Variants in DNAH3 observed in about 807,000 individuals in gnomAD.
DNAH3 encodes axonemal beta dynein heavy chain 3.
DNAH3 carries 332 observed loss-of-function variants against 432.5 expected under a neutral mutation model. The observed-to-expected ratio is 0.77, with a 90% CI of 0.70 to 0.84. DNAH3 has a LOEUF of 0.84. DNAH3 is among the 40% of genes least tolerant of loss of function. DNAH3 has a pLI of 0.00. For missense variants in DNAH3, 4,861 were observed against 5,114.0 expected, an observed-to-expected ratio of 0.95 and a Z score of 1.51; for synonymous variants, 1,956 against 1,900.2, an observed-to-expected ratio of 1.03 and a Z score of -0.76.
intron 51 of DNAH3, among the ~76,000 whole-genome samples, chr16:20,973,965 A>ACATGTTGTACATGTACTCCAACATG (rs1392805425): frequency 2.0e-5 from 3 of 152,214 alleles, no homozygotes; most frequent in Non-Finnish European, 4.4e-5. Context: ...CAACATGGCC[A>ACATGTTGTACATGTACTCCAACATG]GAGTACAGGG....
intron 35 of DNAH3, among the ~76,000 whole-genome samples, chr16:21,034,815 A>T (rs894153143): frequency 3.3e-5 from 5 of 152,192 alleles, no homozygotes; most frequent in Admixed American, 6.5e-5. Context: ...TTCAGCAAAT[A>T]TTTTTTGAGC....
chr16:20,946,986 G>A (rs530260298), intron 57 of DNAH3, among the ~76,000 whole-genome samples: 1 of 151,520 alleles, frequency 6.6e-6, no homozygotes, highest in South Asian at 2.1e-4. Flanking sequence ...CATCACACCC[G>A]GCTAATTTTT....
rs1323573293 is a variant in DNAH3 at position 21,044,362 on chromosome 16, G to A, written c.4462-2159C>T. On this transcript the variant is annotated intron_variant, in intron 31 of 61. Transcript: ENST00000261383. ...CTTTTATTTTGTTGAGCAGTGGTTT[G>A]TAGTTCTCCTTGAAGAGGTCCTTCA... Among the ~76,000 whole-genome samples the A allele has an allele frequency of 2.3e-3, 345 of 151,498 alleles. 1 individual carries two copies. Among genetic ancestry groups the A allele is most frequent in the African/African-American group, 7.8e-3 (323 of 41,208 alleles).
At chr16:21,121,605 C>CTTTTT in intron 10 of DNAH3, among the ~76,000 whole-genome samples, 1 of 120,154 alleles carries the variant, frequency 8.3e-6, no homozygotes, top group African/African-American at 3.1e-5. Flanking sequence ...TTTCTTTTTT[C>CTTTTT]TTTTTTTTTT....
exon 9 of DNAH3, chr16:21,125,287 C>T (rs777844819): frequency 6.2e-7 from 1 of 1,613,768 alleles, no homozygotes; most frequent in Non-Finnish European, 8.5e-7. Context: ...AATGTTTCGA[C>T]TTGAGTCATA....
At chr16:21,147,480 T>A (rs2092800346) in intron 1 of DNAH3, among the ~76,000 whole-genome samples, 2 of 152,180 alleles carry the variant, frequency 1.3e-5, no homozygotes, top group Non-Finnish European at 2.9e-5. Flanking sequence ...CCTTCCAAAG[T>A]GCTCGGATTA....
Position 20,947,621 on chromosome 16 carries a change from C to T in DNAH3, c.11343+862G>A, listed in dbSNP as rs369488299. 3.3e-5 allele frequency among the ~76,000 whole-genome samples: 5 copies of T among 152,138 alleles called. No individual in the cohort carries two copies. In the East Asian group the frequency reaches 9.6e-4, roughly 29 times the overall value. On this transcript the variant is annotated intron_variant, in intron 57 of 61. Coordinates refer to ENST00000261383, the Ensembl canonical transcript of DNAH3. ...GAGGACACCCAGTTGGTGTCCACTG[C>T]TTAATGTGTGGGGAAGGGGTAACCT...
At chr16:21,009,491 A>G (rs2087476047) in intron 41 of DNAH3, among the ~76,000 whole-genome samples, 1 of 152,238 alleles carries the variant, frequency 6.6e-6, no homozygotes, top group Admixed American at 6.5e-5. Context: ...AGGAGATACT[A>G]AAAGACTGAA....
chr16:21,006,140 T>C (rs542628330), intron 41 of DNAH3, among the ~76,000 whole-genome samples: 25 of 152,332 alleles, frequency 1.6e-4, no homozygotes, highest in African/African-American at 5.8e-4. Context: ...GTTTTTCTCT[T>C]CTGTTGTATG....
chr16:20,975,668 C>A (rs1389155652), intron 50 of DNAH3, among the ~76,000 whole-genome samples: 2 of 152,152 alleles, frequency 1.3e-5, no homozygotes, highest in African/African-American at 4.8e-5. Flanking sequence ...AAACTAAAAT[C>A]TTTTTTAAAA....
At chr16:21,010,419 G>A (rs564534439) in intron 41 of DNAH3, among the ~76,000 whole-genome samples, 77 of 152,192 alleles carry the variant, frequency 5.1e-4, no homozygotes, top group African/African-American at 1.8e-3. Context: ...ACTTTTCAAA[G>A]GTCACACAAT....
At chr16:21,026,758 G>A (rs933106533) in intron 38 of DNAH3, among the ~76,000 whole-genome samples, 31 of 151,282 alleles carry the variant, frequency 2.0e-4, no homozygotes, top group African/African-American at 7.0e-4. Context: ...CTACTTCAGG[G>A]TGGAGGAGGG....
chr16:21,019,150 A>ATTTTTTTTTTT (rs780974726), intron 41 of DNAH3: 1 of 84,008 alleles, frequency 1.2e-5, no homozygotes, highest in Non-Finnish European at 2.2e-5. Context: ...GGCCAACTCT[A>ATTTTTTTTTTT]TTTTTTTTTT....
intron 19 of DNAH3, 138 bp from the exon 20 acceptor site, chr16:21,081,865 C>G (rs1227362123): frequency 3.4e-6 from 2 of 595,514 alleles, no homozygotes; most frequent in African/African-American, 3.8e-5. Flanking sequence ...CTGTTGAGCA[C>G]CAGAGATGTG....
At chr16:20,981,229 G>T (rs966999601) in intron 49 of DNAH3, among the ~76,000 whole-genome samples, 1 of 152,158 alleles carries the variant, frequency 6.6e-6, no homozygotes, top group Non-Finnish European at 1.5e-5. Context: ...TGGAGGAAAT[G>T]CAAAGTACCA....
chr16:20,957,461 T>C (rs2084613291), intron 54 of DNAH3, among the ~76,000 whole-genome samples: 1 of 152,122 alleles, frequency 6.6e-6, no homozygotes. Flanking sequence ...CAAAAAAAAC[T>C]GGCAGCAGGG....
chr16:21,040,395 GTCT>G (rs1387456586), intron 32 of DNAH3, among the ~76,000 whole-genome samples: 1 of 77,424 alleles, frequency 1.3e-5, no homozygotes, highest in African/African-American at 6.1e-5. Flanking sequence ...TTAAGACAGA[GTCT>G]CTGTCACCCA....
chr16:21,110,343 C>T (rs1358942324), intron 14 of DNAH3, among the ~76,000 whole-genome samples: 7 of 152,170 alleles, frequency 4.6e-5, no homozygotes, highest in African/African-American at 9.6e-5. Flanking sequence ...GTTGTACAAA[C>T]GACCTAAGTC....
chr16:21,012,734 A>G (rs2087663967), intron 41 of DNAH3, among the ~76,000 whole-genome samples: 2 of 152,172 alleles, frequency 1.3e-5, no homozygotes, highest in Admixed American at 1.3e-4. Flanking sequence ...CCAAGATAGA[A>G]TGCATCGTGG....
Sources: gnomAD v4.1 joint callset for allele counts (sites outside exome capture counted in the v4.1 genomes callset) on GRCh38, gnomAD v4.1.1 for gene constraint, MANE v1.5 for transcripts, NCBI Gene and HGNC (gene_info 2026-07-23, HGNC 2026-07-21) for gene names.